UQCC1: variants seen among roughly 807,000 people sequenced by gnomAD.
UQCC1 encodes the protein ubiquinol-cytochrome c reductase complex assembly factor 1, also known as bFGF-repressed Zic-binding protein.
In UQCC1, 38 loss-of-function variants were observed where a neutral mutation model predicts 48.0. The ratio of observed to expected loss-of-function variants is 0.79; its 90% CI spans 0.61 to 1.04. The LOEUF (loss-of-function observed/expected upper bound fraction) is 1.04, where lower values mean the gene tolerates loss of function less well. Ranked by LOEUF, UQCC1 falls within the 50% of genes least tolerant of loss-of-function variation. The probability of loss-of-function intolerance (pLI) is 0.00; values close to 1 mark genes in which losing one functional copy is unlikely to be tolerated. For missense variants in UQCC1, 368 were observed against 381.8 expected (o/e 0.96, Z 0.30); for synonymous variants, 111 against 129.2 (o/e 0.86, Z 0.95).
At chr20:35,401,021 G>C (rs2062156895) in intron 1 of UQCC1, among the ~76,000 whole-genome samples, 1 of 152,148 alleles carries the variant, frequency 6.6e-6, no homozygotes, top group South Asian at 2.1e-4. Flanking sequence ...AGGTGTAGCG[G>C]ATTCTAGTTA....
intron 8 of UQCC1, 85 bp downstream of exon 8, chr20:35,314,603 C>A (rs1413940540): frequency 4.5e-6 from 5 of 1,120,206 alleles, no homozygotes; most frequent in Non-Finnish European, 2.6e-6. Flanking sequence ...AACAATGGTC[C>A]CTGTGGCTTC....
intron 7 of UQCC1, among the ~76,000 whole-genome samples, chr20:35,340,818 T>C (rs1339504174): frequency 6.6e-6 from 1 of 152,102 alleles, no homozygotes; most frequent in African/African-American, 2.4e-5. Flanking sequence ...GGTCTGAAAA[T>C]TTTTGTAGGG....
At chr20:35,378,086 G>C (rs746149191) in intron 4 of UQCC1, among the ~76,000 whole-genome samples, 2 of 152,094 alleles carry the variant, frequency 1.3e-5, no homozygotes, top group Non-Finnish European at 2.9e-5. Context: ...AAGGACGTAG[G>C]GGGACTGAAT....
At chr20:35,410,597 C>T (rs1460791838) in intron 1 of UQCC1, among the ~76,000 whole-genome samples, 1 of 146,386 alleles carries the variant, frequency 6.8e-6, no homozygotes, top group Admixed American at 6.9e-5. Context: ...CCCAGCTACT[C>T]GGGAGGCTGG....
In UQCC1 at chr20:35,304,088, G is replaced by A. The variant is rs1367316472; in HGVS notation, c.766-19C>T. On this transcript the variant is annotated intron_variant, in intron 9 of 9. Coordinates refer to ENST00000374385, the MANE Select transcript of UQCC1 (RefSeq NM_018244.5). ...ACTGTATCTGCAACCAGGGGAGGGG[G>A]AAGGAGGAAGCGACAGAGGCAGGGC... The A allele has an allele frequency of 6.2e-7, 1 of 1,613,842 alleles. No homozygotes were observed. The highest frequency in any genetic ancestry group is 1.1e-5 in the South Asian group (1 of 91,056).
intron 7 of UQCC1, among the ~76,000 whole-genome samples, chr20:35,316,447 G>A (rs575830388): frequency 3.3e-5 from 5 of 152,258 alleles, no homozygotes; most frequent in Admixed American, 1.3e-4. Flanking sequence ...GTCTGCCAGG[G>A]TTCTGCTTCT....
chr20:35,318,256 G>T (rs1490542431), intron 7 of UQCC1, among the ~76,000 whole-genome samples: 1 of 152,208 alleles, frequency 6.6e-6, no homozygotes, highest in Non-Finnish European at 1.5e-5. Context: ...TGAGGAAAGG[G>T]TGAACTGAAA....
chr20:35,330,352 G>C (rs1600885253), intron 7 of UQCC1, among the ~76,000 whole-genome samples: 2 of 152,222 alleles, frequency 1.3e-5, no homozygotes, highest in Admixed American at 1.3e-4. Context: ...ACTTGGAAAG[G>C]GTTGAATTAG....
At chr20:35,392,115 T>C in intron 2 of UQCC1, 1 of 689,860 alleles carries the variant, frequency 1.4e-6, no homozygotes, top group South Asian at 1.5e-5. Context: ...TGCCTGAATA[T>C]TTCCAGTAAG....
chr20:35,397,735 A>C (rs1257504484), intron 1 of UQCC1, among the ~76,000 whole-genome samples: 1 of 152,162 alleles, frequency 6.6e-6, no homozygotes, highest in Non-Finnish European at 1.5e-5. Context: ...CTTTGTATCA[A>C]GGACTTGAGC....
chr20:35,364,069 C>T (rs1252019539), intron 6 of UQCC1, among the ~76,000 whole-genome samples: 1 of 152,210 alleles, frequency 6.6e-6, no homozygotes, highest in African/African-American at 2.4e-5. Flanking sequence ...CTACATTCCT[C>T]AATAAACCTG....
intron 1 of UQCC1, among the ~76,000 whole-genome samples, chr20:35,402,842 G>T (rs1292716599): frequency 6.6e-6 from 1 of 151,678 alleles, no homozygotes; most frequent in Non-Finnish European, 1.5e-5. Context: ...GAGGCAGGCG[G>T]ACTGCCTGAG....
chr20:35,324,162 T>C (rs759691798), intron 7 of UQCC1, among the ~76,000 whole-genome samples: 1 of 152,200 alleles, frequency 6.6e-6, no homozygotes, highest in Non-Finnish European at 1.5e-5. Context: ...ATTGCTAAGA[T>C]CCCTTAGCTG....
At chr20:35,304,200 A>G in intron 9 of UQCC1, 131 bp from the exon 10 acceptor site, 1 of 1,244,036 alleles carries the variant, frequency 8.0e-7, no homozygotes, top group Admixed American at 2.3e-5. Flanking sequence ...TGACCATCCC[A>G]GGTCCCAGAC....
At chr20:35,409,842 T>A (rs1277961601) in intron 1 of UQCC1, among the ~76,000 whole-genome samples, 1 of 152,106 alleles carries the variant, frequency 6.6e-6, no homozygotes, top group African/African-American at 2.4e-5. Context: ...GTTTCACTCT[T>A]TCACCCAGGC....
At chr20:35,403,067 C>CA (rs10707620) in intron 1 of UQCC1, among the ~76,000 whole-genome samples, 214 of 134,940 alleles carry the variant, frequency 1.6e-3, no homozygotes, top group Middle Eastern at 4.1e-3. Context: ...GACTTCGTCT[C>CA]AAAAAAAAAA....
intron 9 of UQCC1, among the ~76,000 whole-genome samples, chr20:35,305,524 C>G (rs576922989): frequency 2.1e-4 from 32 of 152,350 alleles, no homozygotes; most frequent in African/African-American, 7.7e-4. Context: ...GAGGGTGAGT[C>G]CAGTCAACAG....
At chr20:35,353,839 T>C (rs923041996) in intron 6 of UQCC1, among the ~76,000 whole-genome samples, 1 of 152,122 alleles carries the variant, frequency 6.6e-6, no homozygotes, top group African/African-American at 2.4e-5. Context: ...TTATAAAGTC[T>C]ACAGTAGTAT....
At chr20:35,393,503 AACACAC>A (rs3055772) in intron 2 of UQCC1, among the ~76,000 whole-genome samples, 1,551 of 146,680 alleles carry the variant, frequency 0.011, 77 homozygotes, top group Admixed American at 0.076. Context: ...AACACACACA[AACACAC>A]ACACACACAC....
Sources: gnomAD v4.1 joint callset for allele counts (sites outside exome capture counted in the v4.1 genomes callset) on GRCh38, gnomAD v4.1.1 for gene constraint, MANE v1.5 for transcripts, NCBI Gene and HGNC (gene_info 2026-07-23, HGNC 2026-07-21) for gene names.